The following MAN1A1 variants were observed in gnomAD, a reference collection of about 807,000 sequenced individuals.
MAN1A1 encodes mannosyl-oligosaccharide 1,2-alpha-mannosidase IA.
In MAN1A1, 29 loss-of-function variants were observed where a neutral mutation model predicts 70.8. The ratio of observed to expected loss-of-function variants is 0.41; its 90% confidence interval spans 0.31 to 0.56. The LOEUF is 0.56. MAN1A1 is among the 20% of genes least tolerant of loss of function. MAN1A1 has a pLI of 0.29. For missense variants in MAN1A1, 747 were observed against 841.3 expected (o/e 0.89, Z 1.39); for synonymous variants, 349 against 330.1 (o/e 1.06, Z -0.62).
At chr6:119,234,174 A>T (rs1273195778) in intron 6 of MAN1A1, among the ~76,000 whole-genome samples, 4 of 152,230 alleles carry the variant, frequency 2.6e-5, no homozygotes, top group Non-Finnish European at 5.9e-5. Flanking sequence ...TAACAATAGA[A>T]CAAATCTGCA....
chr6:119,342,257 TAA>T (rs770365650), intron 2 of MAN1A1, among the ~76,000 whole-genome samples: 40 of 152,322 alleles, frequency 2.6e-4, no homozygotes, highest in East Asian at 7.7e-4. Context: ...CTTTAAGCAC[TAA>T]AACTCAATTT....
At chr6:119,183,252 C>G (rs1773198956) in intron 11 of MAN1A1, among the ~76,000 whole-genome samples, 2 of 152,200 alleles carry the variant, frequency 1.3e-5, no homozygotes, top group African/African-American at 4.8e-5. Context: ...GAAAATGCCT[C>G]ATGATTTCAT....
In MAN1A1 at chr6:119,301,883, T is replaced by A. The variant is rs542594687; in HGVS notation, c.816+105A>T. ...GTATTTGTACTACCTAAAGTTGCAATATTTTTGTTAGGGTACATTATAATA... is the reference window on the plus strand; with the variant it reads ...GTATTTGTACTACCTAAAGTTGCAAAATTTTTGTTAGGGTACATTATAATA... On this transcript the variant is annotated intron_variant, in intron 4 of 12. Transcript: ENST00000368468. The A allele has an allele frequency of 4.6e-4, 286 of 625,252 alleles. 2 individuals carry two copies. The African/African-American group carries it at 4.8e-3, about 10-fold the overall frequency. The allele number at this position is 625,252 out of a possible 1,614,324, so 38.7% of individuals were successfully genotyped here. A position where few individuals can be genotyped will look rare whatever the true frequency, so the allele number is the denominator to read the frequency against.
chr6:119,234,544 G>A (rs760798083), intron 6 of MAN1A1, among the ~76,000 whole-genome samples: 39 of 152,016 alleles, frequency 2.6e-4, no homozygotes, highest in Non-Finnish European at 4.4e-4. Flanking sequence ...CTCCCGAGTA[G>A]CTGAGACTAC....
At chr6:119,235,907 G>A (rs1774828805) in intron 6 of MAN1A1, among the ~76,000 whole-genome samples, 1 of 152,140 alleles carries the variant, frequency 6.6e-6, no homozygotes, top group Non-Finnish European at 1.5e-5. Context: ...GGAGACCAAG[G>A]TGGGCGGATC....
intron 5 of MAN1A1, among the ~76,000 whole-genome samples, chr6:119,251,642 C>G (rs74698662): frequency 6.6e-6 from 1 of 152,140 alleles, no homozygotes; most frequent in African/African-American, 2.4e-5. Flanking sequence ...GATCTCTGAA[C>G]GTTTTATTGT....
chr6:119,261,608 T>C (rs1582745422), intron 5 of MAN1A1, among the ~76,000 whole-genome samples: 1 of 152,150 alleles, frequency 6.6e-6, no homozygotes, highest in Non-Finnish European at 1.5e-5. Context: ...ACAAATACTA[T>C]GAATACTCCA....
At chr6:119,278,333 C>T (rs1776134125) in intron 5 of MAN1A1, among the ~76,000 whole-genome samples, 2 of 152,200 alleles carry the variant, frequency 1.3e-5, no homozygotes, top group African/African-American at 4.8e-5. Context: ...TACATTTCTA[C>T]TGCCAACTCT....
chr6:119,316,949 T>G (rs1772869988), intron 2 of MAN1A1, among the ~76,000 whole-genome samples: 1 of 147,654 alleles, frequency 6.8e-6, no homozygotes, highest in South Asian at 2.1e-4. Context: ...ATTATTATTA[T>G]TCTTTTTTTT....
intron 5 of MAN1A1, among the ~76,000 whole-genome samples, chr6:119,289,551 A>G (rs1007122273): frequency 5.3e-5 from 8 of 151,968 alleles, no homozygotes; most frequent in African/African-American, 1.7e-4. Flanking sequence ...AGGAAGAGGC[A>G]TAACAGACCA....
chr6:119,348,472 C>G lies in MAN1A1; in HGVS notation c.594G>C (p.Lys198Asn). Residue 198 changes from lysine (K) to asparagine (N), a missense_variant, in exon 2 of 13, where the codon AAG becomes AAC. Around this residue, in one of 2 missense-constraint regions of MAN1A1, gnomAD observed 328 missense variants for 293.1 expected, o/e 1.12. Coordinates refer to ENST00000368468, the MANE Select transcript of MAN1A1 (RefSeq NM_005907.4). The stretch of plus-strand genomic sequence containing the variant: ...GGCGCGGCCCACTCACCTCTTTGAT[C>G]TTTGCCCTTTTCTCGCGGATGGCGG... Reference protein sequence around the residue: ...ADAAIREKRAKIKEMMKHAWN... With the variant: ...ADAAIREKRANIKEMMKHAWN... 2 of 1,604,838 alleles carry G rather than the reference C, an allele frequency of 1.2e-6. No individual in the cohort carries two copies. The highest frequency in any genetic ancestry group is 1.7e-6 in the Non-Finnish European group (2 of 1,175,446).
At chr6:119,246,823 A>G (rs966528347) in intron 6 of MAN1A1, among the ~76,000 whole-genome samples, 2 of 152,154 alleles carry the variant, frequency 1.3e-5, no homozygotes, top group Non-Finnish European at 2.9e-5. Context: ...CCAAGCTCAG[A>G]GCCACCCCTG....
chr6:119,194,936 T>G (rs2064159), intron 8 of MAN1A1, among the ~76,000 whole-genome samples: 129,324 of 151,650 alleles, frequency 0.85, 55,508 homozygotes, highest in South Asian at 0.89. Flanking sequence ...AGGTTCAAGC[T>G]ATTCTCCTGC....
chr6:119,190,027 T>A lies in MAN1A1; in HGVS notation c.1327-144A>T, dbSNP rs6569055. The A allele has an allele frequency of 0.79, 520,522 of 658,382 alleles. 210,574 individuals carry two copies. Among genetic ancestry groups the A allele is most frequent in the Non-Finnish European group, 0.83 (323,661 of 388,934 alleles). 40.8% of individuals were successfully genotyped at this position (658,382 alleles called of 1,614,324 possible). On this transcript the variant is annotated intron_variant, in intron 9 of 12. Transcript: ENST00000368468. The stretch of plus-strand genomic sequence containing the variant: ...AAAATCCATTCAACCTGAAATTACA[T>A]GCTATTGCTTTCTGTATTCCTCCTC...
At chr6:119,212,176 T>A (rs1774073913) in intron 6 of MAN1A1, among the ~76,000 whole-genome samples, 2 of 150,876 alleles carry the variant, frequency 1.3e-5, no homozygotes, top group Admixed American at 6.6e-5. Flanking sequence ...ACTTTTTAAA[T>A]GAAATAAAAA....
intron 6 of MAN1A1, among the ~76,000 whole-genome samples, chr6:119,226,322 G>A (rs1044875951): frequency 3.3e-5 from 5 of 152,194 alleles, no homozygotes; most frequent in African/African-American, 1.2e-4. Context: ...TTTACACAAG[G>A]GTGACGCACA....
intron 6 of MAN1A1, among the ~76,000 whole-genome samples, chr6:119,210,420 C>T (rs1437983720): frequency 2.6e-5 from 4 of 152,008 alleles, no homozygotes; most frequent in Admixed American, 2.6e-4. Context: ...CATGCATATA[C>T]ACCACTTAAA....
chr6:119,233,453 G>C (rs2114287469), intron 6 of MAN1A1, among the ~76,000 whole-genome samples: 2 of 152,190 alleles, frequency 1.3e-5, no homozygotes, highest in Admixed American at 1.3e-4. Flanking sequence ...AATCTAAAGA[G>C]GATCAAAGTC....
At chr6:119,331,653 T>C (rs535062775) in intron 2 of MAN1A1, among the ~76,000 whole-genome samples, 2 of 149,476 alleles carry the variant, frequency 1.3e-5, no homozygotes, top group East Asian at 1.9e-4. Context: ...AGTTGTTAAG[T>C]TGAGCACAAT....
Sources: gnomAD v4.1 joint callset for allele counts (sites outside exome capture counted in the v4.1 genomes callset) on GRCh38, gnomAD v4.1.1 for gene constraint, gnomAD v4.1.1 regional missense constraint, MANE v1.5 for transcripts, NCBI Gene and HGNC (gene_info 2026-07-23, HGNC 2026-07-21) for gene names.